STMND1: variants seen among roughly 807,000 people sequenced by gnomAD.
STMND1 encodes stathmin domain containing 1.
Under a neutral mutation model 23.0 loss-of-function variants are expected in STMND1, and 17 were observed. The observed-to-expected ratio is 0.74, with a 90% CI of 0.51 to 1.11. The LOEUF is 1.11. Among genes scored for constraint, STMND1 ranks in the 50% least tolerant of loss-of-function variants. STMND1 has a pLI of 0.00. For synonymous variants in STMND1, 114 were observed against 119.9 expected (o/e 0.95, Z 0.32); for missense variants, 305 against 329.1 (o/e 0.93, Z 0.57).
At chr6:17,124,318 A>C (rs926640270) in intron 3 of STMND1, among the ~76,000 whole-genome samples, 3 of 152,222 alleles carry the variant, frequency 2.0e-5, no homozygotes, top group African/African-American at 7.2e-5. Flanking sequence ...GCCAAAGAGA[A>C]TAGTTTAAAA....
At chr6:17,111,588 A>G (rs1418443025) in intron 1 of STMND1, among the ~76,000 whole-genome samples, 1 of 152,218 alleles carries the variant, frequency 6.6e-6, no homozygotes, top group Admixed American at 6.5e-5. Context: ...AGCGAGGTAG[A>G]CCTATGTATG....
In STMND1 at chr6:17,120,610, T is replaced by G. The variant is rs1761219935; in HGVS notation, c.263T>G (p.Leu88Arg). 1 of 1,490,736 alleles carries G rather than the reference T, an allele frequency of 6.7e-7. No homozygotes were observed. The highest frequency in any genetic ancestry group is 8.9e-7 in the Non-Finnish European group (1 of 1,129,106). 92.3% of individuals were successfully genotyped at this position (1,490,736 alleles called of 1,614,324 possible). The change falls in exon 3 of 5, where the codon CTA becomes CGA. Residue 88 changes from leucine (L) to arginine (R), a missense_variant. Physicochemically the swap from Leu to Arg is moderately radical, Grantham distance 102. Coordinates refer to ENST00000536551, the MANE Select transcript of STMND1 (RefSeq NM_001190766.2). ...TTCTTTTCTTCTTTTTTGGAAGACC[T>G]AGTGACCAATGGATTAATCAATAAA... is the stretch of plus-strand genomic sequence containing the variant. ...SERNRRVNSD[L>R]VTNGLINKPQ...
chr6:17,111,140 T>G (rs192599867), intron 1 of STMND1, among the ~76,000 whole-genome samples: 199 of 152,328 alleles, frequency 1.3e-3, no homozygotes, highest in Middle Eastern at 6.8e-3. Context: ...GTGAAAAATT[T>G]AACACGGACC....
chr6:17,122,090 T>A (rs4716116), intron 3 of STMND1, among the ~76,000 whole-genome samples: 19,463 of 151,962 alleles, frequency 0.13, 1,541 homozygotes, highest in Middle Eastern at 0.27. Context: ...GTTGAACTCC[T>A]GACCTCGTAA....
intron 1 of STMND1, among the ~76,000 whole-genome samples, chr6:17,107,554 T>C (rs1037968913): frequency 5.3e-5 from 8 of 152,186 alleles, no homozygotes; most frequent in African/African-American, 1.7e-4. Context: ...CTATATAATA[T>C]GCAGGTATAC....
intron 1 of STMND1, among the ~76,000 whole-genome samples, chr6:17,105,370 G>T (rs530560663): frequency 2.6e-5 from 4 of 152,222 alleles, no homozygotes; most frequent in Non-Finnish European, 5.9e-5. Flanking sequence ...TCCTGGCCGG[G>T]TGTGGTGGCT....
rs34107338 is a variant in STMND1, at chr6:17,117,667, C to CTTTTT, written c.259+2549_259+2553dup. On this transcript the variant is annotated intron_variant, in intron 2 of 4. Coordinates refer to ENST00000536551, the MANE Select transcript of STMND1 (RefSeq NM_001190766.2). The stretch of plus-strand genomic sequence containing the variant: ...TCCTCCTGATTGGATTTGGGTTACG[C>CTTTTT]TTTTTTTTTTTTTTTTTTTTTTTTT... 8.5e-4 allele frequency among the ~76,000 whole-genome samples: 42 copies of CTTTTT among 49,576 alleles called. 1 individual carries two copies. The highest frequency in any genetic ancestry group is 1.0e-3 in the Admixed American group (3 of 2,866). The allele number at this position is 49,576 out of a possible 152,430, so 32.5% of individuals were successfully genotyped here. A position where few individuals can be genotyped will look rare whatever the true frequency, so the allele number is the denominator to read the frequency against.
At chr6:17,102,959 A>C (rs1234795042) in intron 1 of STMND1, among the ~76,000 whole-genome samples, 1 of 152,136 alleles carries the variant, frequency 6.6e-6, no homozygotes, top group Non-Finnish European at 1.5e-5. Context: ...TCTTTTCCCT[A>C]ATTCCTCAAA....
intron 2 of STMND1, among the ~76,000 whole-genome samples, chr6:17,118,620 A>C (rs1423468450): frequency 6.6e-6 from 1 of 152,236 alleles, no homozygotes; most frequent in Non-Finnish European, 1.5e-5. Flanking sequence ...AATGGATCAG[A>C]ATGGTTACAA....
At chr6:17,124,636 A>G (rs1761272915) in intron 3 of STMND1, among the ~76,000 whole-genome samples, 1 of 152,188 alleles carries the variant, frequency 6.6e-6, no homozygotes, top group South Asian at 2.1e-4. Context: ...TACCACAGTA[A>G]TTCCATAGTA....
At chr6:17,114,614 A>G (rs949928891) in intron 1 of STMND1, among the ~76,000 whole-genome samples, 1 of 152,350 alleles carries the variant, frequency 6.6e-6, no homozygotes, top group South Asian at 2.1e-4. Context: ...TCGCATGTGC[A>G]GTGCACAATA....
chr6:17,111,217 T>C (rs539505732), intron 1 of STMND1, among the ~76,000 whole-genome samples: 30 of 152,278 alleles, frequency 2.0e-4, no homozygotes, highest in African/African-American at 6.0e-4. Context: ...TTTGACCTAT[T>C]TACAAGCAAT....
chr6:17,128,033 T>G (rs542996785), intron 3 of STMND1: 2 of 152,158 alleles, frequency 1.3e-5, no homozygotes, highest in African/African-American at 4.8e-5. Context: ...TGCTAAGGAC[T>G]GGGATTGGGG....
rs1386936491 is a variant in STMND1 at position 17,125,679 on chromosome 6, T to TC, written c.412-3429dup. Among the ~76,000 whole-genome samples, 5 of 152,064 alleles carry TC rather than the reference T, an allele frequency of 3.3e-5. No individual in the cohort carries two copies. In the South Asian group the frequency reaches 6.2e-4, roughly 19 times the overall value. On this transcript the variant is annotated intron_variant, in intron 3 of 4. Coordinates refer to ENST00000536551, the MANE Select transcript of STMND1 (RefSeq NM_001190766.2). Reference sequence around the variant, plus strand: ...CGCCAGCTAATGATCGGAGTGACCTTCCCCAGGAGGTCTAACAGTGATAAA... The same window carrying TC: ...CGCCAGCTAATGATCGGAGTGACCTTCCCCCAGGAGGTCTAACAGTGATAAA...
At chr6:17,122,140 T>A (rs1398714513) in intron 3 of STMND1, among the ~76,000 whole-genome samples, 1 of 152,020 alleles carries the variant, frequency 6.6e-6, no homozygotes, top group African/African-American at 2.4e-5. Flanking sequence ...GGATTACAGG[T>A]GTGAGCCACT....
At chr6:17,103,634 C>G (rs904929302) in intron 1 of STMND1, among the ~76,000 whole-genome samples, 2 of 142,116 alleles carry the variant, frequency 1.4e-5, no homozygotes, top group Non-Finnish European at 3.0e-5. Context: ...TGCAATGGCA[C>G]GATCTCAGCT....
chr6:17,115,202 T>C, intron 2 of STMND1, 63 bp downstream of exon 2: 18 of 1,444,642 alleles, frequency 1.2e-5, no homozygotes, highest in Non-Finnish European at 1.6e-5. Flanking sequence ...TAAATACGTT[T>C]ACAAGGTTTC....
chr6:17,127,895 T>C (rs1761331343), intron 3 of STMND1: 1 of 152,210 alleles, frequency 6.6e-6, no homozygotes, highest in Non-Finnish European at 1.5e-5. Context: ...TGAAGAAAGT[T>C]AATTGCAGAG....
At chr6:17,114,353 C>T (rs1356363077) in intron 1 of STMND1, among the ~76,000 whole-genome samples, 3 of 151,854 alleles carry the variant, frequency 2.0e-5, no homozygotes, top group South Asian at 4.2e-4. Context: ...CAACCTCTGC[C>T]CCCTGGGTTC....
Sources: gnomAD v4.1 joint callset for allele counts (sites outside exome capture counted in the v4.1 genomes callset) on GRCh38, gnomAD v4.1.1 for gene constraint, MANE v1.5 for transcripts, NCBI Gene and HGNC (gene_info 2026-07-23, HGNC 2026-07-21) for gene names.